CDC42BPA: variants seen among roughly 807,000 people sequenced by gnomAD.
The protein encoded by CDC42BPA is serine/threonine-protein kinase MRCK alpha.
In CDC42BPA, 80 loss-of-function variants were observed where a neutral mutation model predicts 223.5. That is an observed-to-expected ratio of 0.36 (90% CI 0.30 to 0.43). CDC42BPA has a LOEUF of 0.43. Among genes scored for constraint, CDC42BPA ranks in the 20% least tolerant of loss-of-function variants. CDC42BPA has a pLI of 1.00. For synonymous variants in CDC42BPA, 694 were observed against 718.6 expected (o/e 0.97, Z 0.55); for missense variants, 1,743 against 2,099.9 (o/e 0.83, Z 3.32).
At chr1:227,285,490 C>T (rs578034127) in intron 1 of CDC42BPA, among the ~76,000 whole-genome samples, 1 of 152,286 alleles carries the variant, frequency 6.6e-6, no homozygotes, top group East Asian at 1.9e-4. Context: ...AAATAACAGA[C>T]CCAAATTCCA....
chr1:227,221,440 A>C (rs998724362), intron 2 of CDC42BPA, among the ~76,000 whole-genome samples: 1 of 152,132 alleles, frequency 6.6e-6, no homozygotes, highest in Non-Finnish European at 1.5e-5. Context: ...CTGTATACCA[A>C]ACTCACTCAA....
intron 23 of CDC42BPA, among the ~76,000 whole-genome samples, chr1:227,043,041 C>T (rs1412421930): frequency 6.6e-6 from 1 of 152,094 alleles, no homozygotes; most frequent in Non-Finnish European, 1.5e-5. Context: ...TAAACTTTTA[C>T]CACTAATAAA....
intron 1 of CDC42BPA, among the ~76,000 whole-genome samples, chr1:227,263,708 A>G (rs565248173): frequency 6.6e-6 from 1 of 151,838 alleles, no homozygotes; most frequent in Non-Finnish European, 1.5e-5. Context: ...CAGGCTCCCA[A>G]GTAGCTGGGA....
Position 227,143,097 on chromosome 1 carries a change from T to C in CDC42BPA, c.1144-73A>G, listed in dbSNP as rs567187680. On this transcript the variant is annotated intron_variant, in intron 8 of 36. Coordinates refer to ENST00000366766, the MANE Select transcript of CDC42BPA (RefSeq NM_001394014.1). ...TGTAGGCTTGGCTATAAATATAAAATGCCAAAAAGAAATATTTAAAAAAAA... is the reference window on the plus strand; with the variant it reads ...TGTAGGCTTGGCTATAAATATAAAACGCCAAAAAGAAATATTTAAAAAAAA... 2.2e-4 allele frequency: 206 copies of C among 922,062 alleles called. 2 individuals are homozygous for C. The East Asian group carries it at 6.6e-3, about 30-fold the overall frequency. The allele number at this position is 922,062 out of a possible 1,614,324, so 57.1% of individuals were successfully genotyped here.
intron 5 of CDC42BPA, among the ~76,000 whole-genome samples, chr1:227,162,868 A>ATGTGTG (rs36157906): frequency 0.022 from 3,271 of 149,446 alleles, 49 homozygotes; most frequent in Non-Finnish European, 0.033. Flanking sequence ...ATAAATATAT[A>ATGTGTG]TGTGTGTGTG....
At chr1:227,103,672 C>T (rs1328916225) in intron 14 of CDC42BPA, among the ~76,000 whole-genome samples, 3 of 151,908 alleles carry the variant, frequency 2.0e-5, no homozygotes, top group Non-Finnish European at 2.9e-5. Flanking sequence ...ATCTGCTCCC[C>T]GAAATAATTT....
At chr1:227,088,978 G>A (rs561270860) in intron 16 of CDC42BPA, among the ~76,000 whole-genome samples, 5 of 152,112 alleles carry the variant, frequency 3.3e-5, no homozygotes, top group African/African-American at 7.2e-5. Flanking sequence ...TGCCCGCCTC[G>A]GACTCCCAAA....
chr1:227,030,824 A>ATCC (rs1669147415), intron 28 of CDC42BPA, among the ~76,000 whole-genome samples: 1 of 152,326 alleles, frequency 6.6e-6, no homozygotes, highest in African/African-American at 2.4e-5. Context: ...AAGTAACAAA[A>ATCC]GAGTTAGATG....
intron 2 of CDC42BPA, among the ~76,000 whole-genome samples, chr1:227,214,885 T>C (rs1302110097): frequency 1.3e-5 from 2 of 151,862 alleles, no homozygotes. Flanking sequence ...GAAGGAGGAG[T>C]GTGTTCTAAA....
intron 3 of CDC42BPA, 28 bp from the exon 4 acceptor site, chr1:227,199,680 G>T: frequency 8.9e-7 from 1 of 1,125,372 alleles, no homozygotes; most frequent in Non-Finnish European, 1.3e-6. Flanking sequence ...AATTTTTAGA[G>T]CATACTTTAT....
intron 5 of CDC42BPA, among the ~76,000 whole-genome samples, chr1:227,176,137 G>A (rs1442448891): frequency 6.6e-6 from 1 of 152,102 alleles, no homozygotes; most frequent in Non-Finnish European, 1.5e-5. Context: ...ATCTGTAGTA[G>A]AGACAGGGTT....
chr1:227,230,816 C>CTT (rs34787332), intron 2 of CDC42BPA, among the ~76,000 whole-genome samples: 3,855 of 52,746 alleles, frequency 0.073, 437 homozygotes, highest in African/African-American at 0.24. Flanking sequence ...TTTTTTCTTT[C>CTT]TTTCTTTTTT....
At chr1:227,046,760 C>T (rs758142693) in intron 23 of CDC42BPA, among the ~76,000 whole-genome samples, 18 of 152,062 alleles carry the variant, frequency 1.2e-4, no homozygotes, top group Non-Finnish European at 2.2e-4. Context: ...AACAGTATTT[C>T]CTGAGCTCTT....
intron 34 of CDC42BPA, among the ~76,000 whole-genome samples, chr1:227,006,429 G>A (rs938897901): frequency 6.6e-6 from 1 of 152,140 alleles, no homozygotes; most frequent in Non-Finnish European, 1.5e-5. Context: ...GCAGGGCTTG[G>A]GGTTGCTAAA....
At position 227,034,012 on chromosome 1, in the gene CDC42BPA, T is replaced by C. The variant is rs575656547; in HGVS notation, c.3477-597A>G. Among the ~76,000 whole-genome samples, 9 of 152,320 alleles carry C rather than the reference T, an allele frequency of 5.9e-5. No individual in the cohort carries two copies. In the East Asian group the frequency reaches 1.7e-3, roughly 29 times the overall value. The stretch of plus-strand genomic sequence containing the variant: ...GTTCCATATTTGTAGGGGAAGATAA[T>C]GCGTTTGAGATGCCAATGTGAAGTG... On this transcript the variant is annotated intron_variant, in intron 26 of 36. Transcript: ENST00000366766.
At chr1:227,051,519 C>T (rs1231362948) in intron 22 of CDC42BPA, among the ~76,000 whole-genome samples, 1 of 152,170 alleles carries the variant, frequency 6.6e-6, no homozygotes, top group Admixed American at 6.5e-5. Context: ...TTAGTTATAT[C>T]ATGACCTATT....
chr1:227,172,558 G>A (rs6426579), intron 5 of CDC42BPA, among the ~76,000 whole-genome samples: 1 of 151,798 alleles, frequency 6.6e-6, no homozygotes, highest in Admixed American at 6.6e-5. Flanking sequence ...TTCAGCAAAT[G>A]AGAAAAAGAA....
chr1:227,004,818 C>A, intron 35 of CDC42BPA, 176 bp downstream of exon 35: 1 of 727,112 alleles, frequency 1.4e-6, no homozygotes. Context: ...GGACTATTTT[C>A]TTAACAACTG....
rs923836182 is a variant in CDC42BPA, at chr1:226,991,291, CAAAAG to C, written c.*2972_*2976del. 1.3e-5 allele frequency: 2 copies of C among 152,354 alleles called. No individual in the cohort carries two copies. Among genetic ancestry groups the C allele is most frequent in the African/African-American group, 2.4e-5 (1 of 41,434 alleles). The allele number at this position is 152,354 out of a possible 1,614,324, so 9.4% of individuals were successfully genotyped here. ...GTTTTTAAAATGTCCTGCATGAAAA[CAAAAG>C]AAAACTTCAGATAGTAATAAAATAC... On this transcript the variant is annotated 3_prime_UTR_variant, in exon 37 of 37. Transcript: ENST00000366766.
Sources: gnomAD v4.1 joint callset for allele counts (sites outside exome capture counted in the v4.1 genomes callset) on GRCh38, gnomAD v4.1.1 for gene constraint, MANE v1.5 for transcripts, NCBI Gene and HGNC (gene_info 2026-07-23, HGNC 2026-07-21) for gene names.